SARDH: variants seen among roughly 807,000 people sequenced by gnomAD.
SARDH encodes the protein sarcosine dehydrogenase, mitochondrial.
A neutral mutation model predicts 109.1 loss-of-function variants in SARDH; 95 were observed. The ratio of observed to expected loss-of-function variants is 0.87; its 90% CI spans 0.74 to 1.03. SARDH has a LOEUF of 1.03. SARDH is among the 50% of genes least tolerant of loss of function. The probability of loss-of-function intolerance (pLI) is 0.00; values close to 1 mark genes in which losing one functional copy is unlikely to be tolerated. For synonymous variants in SARDH, 572 were observed against 534.8 expected, an observed-to-expected ratio of 1.07 and a Z score of -0.96; for missense variants, 1,267 against 1,287.8, an observed-to-expected ratio of 0.98 and a Z score of 0.25.
chr9:133,667,219 T>C, intron 19 of SARDH: 1 of 481,964 alleles, frequency 2.1e-6, no homozygotes, highest in Non-Finnish European at 3.6e-6. Context: ...TTTTTTTTGG[T>C]GCAGTGGCAC....
intron 6 of SARDH, 50 bp downstream of exon 6, chr9:133,729,715 G>T: frequency 6.6e-7 from 1 of 1,525,994 alleles, no homozygotes; most frequent in Non-Finnish European, 9.0e-7. Flanking sequence ...TCAGAGCCAG[G>T]TCTCTGTGCC....
chr9:133,711,413 G>C (rs1319192814), intron 10 of SARDH, among the ~76,000 whole-genome samples: 1 of 152,250 alleles, frequency 6.6e-6, no homozygotes, highest in Non-Finnish European at 1.5e-5. Flanking sequence ...TTTGCAGCAG[G>C]AGGGGCCTGA....
In SARDH at chr9:133,686,834, G is replaced by A. The variant is rs1830903490; in HGVS notation, c.2070-1548C>T. 6.6e-6 allele frequency among the ~76,000 whole-genome samples: 1 copy of A among 152,200 alleles called. No individual in the cohort carries two copies. The highest frequency in any genetic ancestry group is 1.5e-5 in the Non-Finnish European group (1 of 68,044). On this transcript the variant is annotated intron_variant, in intron 16 of 20. Coordinates refer to ENST00000439388, the MANE Select transcript of SARDH (RefSeq NM_001134707.2). This position sits in a 1 kb window ranked among gnomAD's most constrained non-coding sequence, Gnocchi z 4.0. Reference sequence around the variant, plus strand: ...TGGTACAGTTGGCCAAGACCCTTATGTAACCACTCAGCACCCACGTGGTGC... The same window carrying A: ...TGGTACAGTTGGCCAAGACCCTTATATAACCACTCAGCACCCACGTGGTGC...
rs547145288 is a variant in SARDH at position 133,709,598 on chromosome 9, A to G, written c.1329-1170T>C. 9.9e-5 allele frequency among the ~76,000 whole-genome samples: 15 copies of G among 152,180 alleles called. No individual in the cohort carries two copies. The highest frequency in any genetic ancestry group is 2.1e-4 in the Non-Finnish European group (14 of 68,044). ...TAGTCTGCACGTAATTCTAGCAAGC[A>G]GAATTTTCTGATCTGGATGGGTGGG... On this transcript the variant is annotated intron_variant, in intron 10 of 20. Transcript: ENST00000439388. This position sits in a 1 kb window ranked among gnomAD's most constrained non-coding sequence, Gnocchi z 4.2.
At position 133,709,692 on chromosome 9, in the gene SARDH, A is replaced by C. The variant is rs1045754134; in HGVS notation, c.1329-1264T>G. On this transcript the variant is annotated intron_variant, in intron 10 of 20. Transcript: ENST00000439388. The surrounding 1 kb of genome is among the most constrained non-coding windows in gnomAD (Gnocchi z 4.2). ...ATTAACAGCTGCTGTCGCTTATGGC[A>C]CCCAGCTCCAGTGCAGGCTCAGAGC... Among the ~76,000 whole-genome samples, 1 of 152,104 alleles carries C rather than the reference A, an allele frequency of 6.6e-6. No individual in the cohort carries two copies. Among genetic ancestry groups the C allele is most frequent in the Non-Finnish European group, 1.5e-5 (1 of 68,032 alleles).
intron 1 of SARDH, among the ~76,000 whole-genome samples, chr9:133,735,260 C>T (rs946638001): frequency 1.3e-5 from 2 of 152,182 alleles, no homozygotes; most frequent in African/African-American, 2.4e-5. Context: ...TGTGGTGTCC[C>T]GGCTCTGCTC....
chr9:133,667,355 G>A (rs1423507445), intron 19 of SARDH, among the ~76,000 whole-genome samples: 3 of 151,740 alleles, frequency 2.0e-5, no homozygotes, highest in African/African-American at 4.8e-5. Flanking sequence ...TAATAGAGAT[G>A]GGGTTTCATC....
rs1307970176 is a variant in SARDH, at chr9:133,663,909, T to C, written c.2737A>G (p.Arg913Gly). 1 of 1,614,060 alleles carries C rather than the reference T, an allele frequency of 6.2e-7. No homozygotes were observed. Among genetic ancestry groups the C allele is most frequent in the Non-Finnish European group, 8.5e-7 (1 of 1,180,002 alleles). The part of the protein sequence containing the change: ...LKSPFDPNNK[R>G]VKGIY ...AGCCCTCAGTAGATTCCCTTCACCC[T>C]CTTGTTGTTGGGGTCGAAGGGCGAC... The change falls in exon 21 of 21, where the codon AGG (arginine) becomes GGG (glycine). Residue 913 changes from arginine (R) to glycine (G), a missense_variant. Transcript: ENST00000439388.
At chr9:133,698,374 C>G (rs1831364538) in intron 13 of SARDH, among the ~76,000 whole-genome samples, 1 of 152,158 alleles carries the variant, frequency 6.6e-6, no homozygotes, top group Non-Finnish European at 1.5e-5. Context: ...AACACAGTCC[C>G]TATCAAAATT....
At chr9:133,727,142 C>A (rs948985811) in intron 6 of SARDH, among the ~76,000 whole-genome samples, 2 of 152,310 alleles carry the variant, frequency 1.3e-5, no homozygotes, top group East Asian at 3.9e-4. Flanking sequence ...GCCCGAGCCA[C>A]CTGCTTTAAT....
rs1437198202 is a variant in SARDH, at chr9:133,702,921, C to A, written c.1663G>T (p.Asp555Tyr). 1 of 1,611,786 alleles carries A rather than the reference C, an allele frequency of 6.2e-7. No homozygotes were observed. Among genetic ancestry groups the A allele is most frequent in the Non-Finnish European group, 8.5e-7 (1 of 1,179,840 alleles). Reference sequence around the variant, plus strand: ...GGTGGACCCCAGCTACGCACCGTGTCGTGGTGGGGCGGGAAGGCGAAGGTG... The same window carrying A: ...GGTGGACCCCAGCTACGCACCGTGTAGTGGTGGGGCGGGAAGGCGAAGGTG... ...EYTFAFPPHHDTIKKECLACR... is the reference protein window; with the variant it reads ...EYTFAFPPHHYTIKKECLACR... The change falls in exon 13 of 21, where the codon GAC becomes TAC. Residue 555 changes from aspartate to tyrosine, a missense_variant. Transcript: ENST00000439388.
Position 133,712,693 on chromosome 9 carries a change from A to T in SARDH, c.1254T>A (p.Gly418=). Reference sequence around the variant, plus strand: ...AGTGGGCCAGCTCCTGCCCACAGCCACCACCCAGCATCATTCCTGGCAGGA... The same window carrying T: ...AGTGGGCCAGCTCCTGCCCACAGCCTCCACCCAGCATCATTCCTGGCAGGA... The part of the protein sequence containing the change: ...GFNSAGMMLG[G]GCGQELAHWI... Residue 418 remains glycine, a synonymous_variant, in exon 10 of 21, where the codon GGT becomes GGA. Transcript: ENST00000439388. This position sits in a 1 kb window ranked among gnomAD's most constrained non-coding sequence, Gnocchi z 4.1. The T allele has an allele frequency of 6.2e-7, 1 of 1,608,852 alleles. No homozygotes were observed. The highest frequency in any genetic ancestry group is 8.5e-7 in the Non-Finnish European group (1 of 1,179,864).
intron 1 of SARDH, among the ~76,000 whole-genome samples, chr9:133,735,452 A>T (rs1210233395): frequency 6.6e-6 from 1 of 152,222 alleles, no homozygotes; most frequent in Non-Finnish European, 1.5e-5. Context: ...CCTCCTTCTC[A>T]GGAGAGAAGG....
In SARDH at chr9:133,666,645, C is replaced by T; in HGVS notation, c.2631+90G>A. The T allele has an allele frequency of 1.3e-6, 2 of 1,511,204 alleles. No homozygotes were observed. Among genetic ancestry groups the T allele is most frequent in the South Asian group, 2.5e-5 (2 of 80,746 alleles). 93.6% of individuals were successfully genotyped at this position (1,511,204 alleles called of 1,614,324 possible). On this transcript the variant is annotated intron_variant, in intron 20 of 20. Coordinates refer to ENST00000439388, the MANE Select transcript of SARDH (RefSeq NM_001134707.2). This position sits in a 1 kb window ranked among gnomAD's most constrained non-coding sequence, Gnocchi z 5.2. ...CCACACCCGTGCCTCCTCCCTATGCCCGGCACACTCAGGGTGCAGTGCAGG... is the reference window on the plus strand; with the variant it reads ...CCACACCCGTGCCTCCTCCCTATGCTCGGCACACTCAGGGTGCAGTGCAGG...
chr9:133,733,663 G>A (rs1347110448), intron 2 of SARDH, among the ~76,000 whole-genome samples, 180 bp downstream of exon 2: 1 of 152,206 alleles, frequency 6.6e-6, no homozygotes, highest in Non-Finnish European at 1.5e-5. Context: ...GCTCTTCAGC[G>A]ACTGGGAGGG....
chr9:133,675,173 G>A (rs1366828604), intron 17 of SARDH, among the ~76,000 whole-genome samples: 1 of 151,948 alleles, frequency 6.6e-6, no homozygotes, highest in African/African-American at 2.4e-5. Flanking sequence ...GTGAAACCCT[G>A]TTTCCATTAA....
At chr9:133,737,403 G>A (rs1193617503) in intron 1 of SARDH, among the ~76,000 whole-genome samples, 2 of 152,226 alleles carry the variant, frequency 1.3e-5, no homozygotes, top group African/African-American at 4.8e-5. Context: ...CCCGGACAAG[G>A]AGGCATGCCT....
chr9:133,737,149 G>A (rs1832911426), intron 1 of SARDH, among the ~76,000 whole-genome samples: 1 of 152,224 alleles, frequency 6.6e-6, no homozygotes, highest in Admixed American at 6.5e-5. Context: ...TGAACTGTGG[G>A]CACTGCCCAA....
rs193192353 is a variant in SARDH at position 133,668,254 on chromosome 9, G to A, written c.2496-1384C>T. Among the ~76,000 whole-genome samples, 63 of 149,094 alleles carry A rather than the reference G, an allele frequency of 4.2e-4. 1 individual carries two copies. In the East Asian group the frequency reaches 0.012, roughly 28 times the overall value. On this transcript the variant is annotated intron_variant, in intron 19 of 20. Coordinates refer to ENST00000439388, the MANE Select transcript of SARDH (RefSeq NM_001134707.2). ...ACCCAGGGAGAAGCCACAGGATGAC[G>A]ACGACACGGCTCCACTCACCGTCCC...
Sources: allele counts gnomAD v4.1 joint callset (sites outside exome capture counted in the v4.1 genomes callset), GRCh38; gene constraint gnomAD v4.1.1; non-coding constraint Gnocchi (gnomAD v3.1); transcripts MANE v1.5; gene names NCBI Gene and HGNC (gene_info 2026-07-23, HGNC 2026-07-21).